Variants in STAG1 observed in about 807,000 individuals in gnomAD.
STAG1 encodes the protein cohesin subunit SA-1.
Under a neutral mutation model 170.9 loss-of-function variants are expected in STAG1, and 26 were observed. The ratio of observed to expected loss-of-function variants is 0.15; its 90% CI spans 0.11 to 0.21. STAG1 has a LOEUF of 0.21. Among genes scored for constraint, STAG1 ranks in the 10% least tolerant of loss-of-function variants. STAG1 has a pLI of 1.00. For missense variants in STAG1, 964 were observed against 1,509.5 expected, an observed-to-expected ratio of 0.64 and a Z score of 5.99; for synonymous variants, 514 against 497.7, an observed-to-expected ratio of 1.03 and a Z score of -0.44.
intron 1 of STAG1, among the ~76,000 whole-genome samples, chr3:136,669,692 A>G (rs999812439): frequency 6.6e-6 from 1 of 152,118 alleles, no homozygotes; most frequent in Non-Finnish European, 1.5e-5. Flanking sequence ...CTGACATTAC[A>G]AGACTTCGGT....
intron 4 of STAG1, among the ~76,000 whole-genome samples, chr3:136,602,395 A>AAGAG (rs1044425675): frequency 6.6e-6 from 1 of 151,342 alleles, no homozygotes; most frequent in Non-Finnish European, 1.5e-5. Flanking sequence ...AAAAAAAAAA[A>AAGAG]AGAGAGAGAG....
intron 1 of STAG1, among the ~76,000 whole-genome samples, chr3:136,649,043 A>G (rs987754853): frequency 6.6e-6 from 1 of 152,188 alleles, no homozygotes; most frequent in Non-Finnish European, 1.5e-5. Flanking sequence ...TCTCTCTGAC[A>G]CTGTAATTTA....
intron 14 of STAG1, among the ~76,000 whole-genome samples, chr3:136,448,378 G>A (rs568956168): frequency 6.6e-6 from 1 of 152,170 alleles, no homozygotes; most frequent in South Asian, 2.1e-4. Flanking sequence ...GACCGGGGAC[G>A]CCTCACAATC....
At chr3:136,439,799 T>G (rs992218098) in intron 15 of STAG1, among the ~76,000 whole-genome samples, 2 of 152,220 alleles carry the variant, frequency 1.3e-5, no homozygotes, top group African/African-American at 2.4e-5. Context: ...GCCTAATTTC[T>G]CAGACTCTGC....
intron 1 of STAG1, chr3:136,737,067 G>T: frequency 8.3e-7 from 1 of 1,203,926 alleles, no homozygotes; most frequent in Non-Finnish European, 1.2e-6. Flanking sequence ...AACCTCAAAT[G>T]GGGTGAAACT....
chr3:136,498,122 G>T (rs1338176244), intron 9 of STAG1, among the ~76,000 whole-genome samples: 2 of 147,264 alleles, frequency 1.4e-5, no homozygotes, highest in Non-Finnish European at 3.0e-5. Flanking sequence ...AACCCGGGAG[G>T]CGGAGGTTGC....
intron 12 of STAG1, among the ~76,000 whole-genome samples, chr3:136,465,970 A>C (rs2089445676): frequency 6.6e-6 from 1 of 152,150 alleles, no homozygotes; most frequent in African/African-American, 2.4e-5. Context: ...AAACTAACAA[A>C]CAGAAAGGAC....
chr3:136,452,331 G>A (rs764624742), intron 13 of STAG1, among the ~76,000 whole-genome samples, 184 bp from the exon 14 acceptor site: 44 of 151,996 alleles, frequency 2.9e-4, no homozygotes, highest in African/African-American at 9.2e-4. Context: ...CTGGGAGGCC[G>A]AGGCAGGTGG....
intron 16 of STAG1, among the ~76,000 whole-genome samples, chr3:136,427,854 G>T (rs1470638183): frequency 6.6e-6 from 1 of 152,060 alleles, no homozygotes. Flanking sequence ...ACAACTTAAA[G>T]CCAAAGGAAT....
At chr3:136,463,878 C>CATAT (rs1175360899) in intron 13 of STAG1, among the ~76,000 whole-genome samples, 1 of 144,590 alleles carries the variant, frequency 6.9e-6, no homozygotes, top group Non-Finnish European at 1.5e-5. Flanking sequence ...TACATACATA[C>CATAT]ATATATACTT....
At chr3:136,462,758 C>T (rs1292126487) in intron 13 of STAG1, among the ~76,000 whole-genome samples, 2 of 152,190 alleles carry the variant, frequency 1.3e-5, no homozygotes, top group East Asian at 1.9e-4. Flanking sequence ...TAGGTGCATG[C>T]ATCAAAATAT....
chr3:136,336,339 G>A lies in STAG1; in HGVS notation c.*1915C>T, dbSNP rs778240502. On this transcript the variant is annotated 3_prime_UTR_variant, in exon 34 of 34. Coordinates refer to ENST00000383202, the MANE Select transcript of STAG1 (RefSeq NM_005862.3). ...AAATGTACAATTTACAGAATTACTA[G>A]CAAAACCAATCAAGGAGACACCGAA... is the stretch of plus-strand genomic sequence containing the variant. 2 of 152,198 alleles carry A rather than the reference G, an allele frequency of 1.3e-5. No individual in the cohort carries two copies. Among genetic ancestry groups the A allele is most frequent in the Non-Finnish European group, 2.9e-5 (2 of 68,036 alleles). The allele number at this position is 152,198 out of a possible 1,614,324, so 9.4% of individuals were successfully genotyped here. A position where few individuals can be genotyped will look rare whatever the true frequency, so the allele number is the denominator to read the frequency against.
chr3:136,522,215 C>T (rs1295042623), intron 6 of STAG1, among the ~76,000 whole-genome samples: 1 of 152,138 alleles, frequency 6.6e-6, no homozygotes, highest in Non-Finnish European at 1.5e-5. Context: ...TGCTGCTAGG[C>T]AAATTTCTTT....
At chr3:136,741,288 T>A (rs1934657765) in intron 1 of STAG1, among the ~76,000 whole-genome samples, 1 of 152,240 alleles carries the variant, frequency 6.6e-6, no homozygotes, top group Non-Finnish European at 1.5e-5. Context: ...ACACAGTGCA[T>A]CGTTCTTCAT....
At chr3:136,507,729 AAAT>A (rs1933839872) in intron 7 of STAG1, among the ~76,000 whole-genome samples, 1 of 152,150 alleles carries the variant, frequency 6.6e-6, no homozygotes, top group East Asian at 1.9e-4. Context: ...TTTTTAATAA[AAAT>A]AATGTCTATG....
intron 5 of STAG1, among the ~76,000 whole-genome samples, chr3:136,548,960 T>C (rs1337752104): frequency 2.6e-5 from 4 of 152,202 alleles, no homozygotes; most frequent in Non-Finnish European, 5.9e-5. Flanking sequence ...AAGATGTGCC[T>C]GCTTTCCCTT....
chr3:136,437,610 G>C (rs2088496186), intron 15 of STAG1, among the ~76,000 whole-genome samples: 2 of 152,148 alleles, frequency 1.3e-5, no homozygotes, highest in Non-Finnish European at 2.9e-5. Flanking sequence ...TGGTATCATT[G>C]AATCATGCTT....
intron 7 of STAG1, among the ~76,000 whole-genome samples, chr3:136,503,389 G>A (rs1337645888): frequency 6.6e-6 from 1 of 152,110 alleles, no homozygotes; most frequent in Non-Finnish European, 1.5e-5. Context: ...CAGTGATAAT[G>A]TACTTTTAAA....
intron 6 of STAG1, among the ~76,000 whole-genome samples, chr3:136,527,976 G>C (rs1195764868): frequency 6.6e-6 from 1 of 152,152 alleles, no homozygotes. Flanking sequence ...CCGGCCGTAT[G>C]ATGTGTCAGT....
Sources: allele counts gnomAD v4.1 joint callset (sites outside exome capture counted in the v4.1 genomes callset), GRCh38; gene constraint gnomAD v4.1.1; transcripts MANE v1.5; gene names NCBI Gene and HGNC (gene_info 2026-07-23, HGNC 2026-07-21).